NCOA2: variants seen among roughly 807,000 people sequenced by gnomAD.
NCOA2 encodes the protein nuclear receptor coactivator 2.
A neutral mutation model predicts 145.1 loss-of-function variants in NCOA2; 21 were observed. That is an observed-to-expected ratio of 0.14 (90% confidence interval 0.10 to 0.21). The LOEUF (loss-of-function observed/expected upper bound fraction) is 0.21, where lower values mean the gene tolerates loss of function less well. Among genes scored for constraint, NCOA2 ranks in the 10% least tolerant of loss-of-function variants. NCOA2 has a pLI of 1.00. For synonymous variants in NCOA2, 619 were observed against 637.5 expected (o/e 0.97, Z 0.44); for missense variants, 1,472 against 1,837.6 (o/e 0.80, Z 3.64).
intron 1 of NCOA2, among the ~76,000 whole-genome samples, chr8:70,389,141 T>A (rs1471774203): frequency 6.6e-6 from 1 of 152,192 alleles, no homozygotes; most frequent in African/African-American, 2.4e-5. Flanking sequence ...TTGTTTTTAA[T>A]GTCCCTGTTT....
At chr8:70,317,636 A>C (rs980676841) in intron 1 of NCOA2, among the ~76,000 whole-genome samples, 1 of 152,214 alleles carries the variant, frequency 6.6e-6, no homozygotes, top group Non-Finnish European at 1.5e-5. Flanking sequence ...AACAAAGATA[A>C]TTTAGAATTA....
At chr8:70,236,550 T>C (rs551601749) in intron 2 of NCOA2, among the ~76,000 whole-genome samples, 4 of 152,176 alleles carry the variant, frequency 2.6e-5, no homozygotes, top group African/African-American at 7.2e-5. Context: ...CTAGCTCACA[T>C]TGACTCTTCC....
At chr8:70,230,573 T>A (rs1348579681) in intron 2 of NCOA2, among the ~76,000 whole-genome samples, 1 of 152,230 alleles carries the variant, frequency 6.6e-6, no homozygotes, top group African/African-American at 2.4e-5. Flanking sequence ...TTTGCAAGTA[T>A]TTAGAAAACA....
chr8:70,205,869 C>T (rs1216754242), intron 4 of NCOA2, among the ~76,000 whole-genome samples: 1 of 152,156 alleles, frequency 6.6e-6, no homozygotes, highest in African/African-American at 2.4e-5. Flanking sequence ...CAAGGAGGAT[C>T]TTAAGGAGTA....
At chr8:70,286,038 G>C (rs780344629) in intron 2 of NCOA2, among the ~76,000 whole-genome samples, 9 of 152,162 alleles carry the variant, frequency 5.9e-5, no homozygotes, top group South Asian at 4.1e-4. Context: ...GAAATAAAAA[G>C]CATATTATGC....
At chr8:70,377,137 G>A (rs546256797) in intron 1 of NCOA2, among the ~76,000 whole-genome samples, 4 of 150,840 alleles carry the variant, frequency 2.7e-5, no homozygotes, top group African/African-American at 7.3e-5. Context: ...TTATTTGTAG[G>A]ACCTATTAAT....
At chr8:70,126,291 T>G (rs1020530853) in intron 19 of NCOA2, among the ~76,000 whole-genome samples, 16 of 152,216 alleles carry the variant, frequency 1.1e-4, no homozygotes, top group African/African-American at 3.6e-4. Flanking sequence ...CTAAAAGGTC[T>G]CCCACTGTAG....
In NCOA2 at chr8:70,121,356, G is replaced by C; in HGVS notation, c.4329C>G (p.Phe1443Leu). 1.2e-6 allele frequency: 2 copies of C among 1,612,914 alleles called. No individual in the cohort carries two copies. The highest frequency in any genetic ancestry group is 1.7e-6 in the Non-Finnish European group (2 of 1,179,438). Residue 1443 changes from phenylalanine (F) to leucine (L), a missense_variant, in exon 22 of 23, where the codon TTC becomes TTG. Coordinates refer to ENST00000452400, the MANE Select transcript of NCOA2 (RefSeq NM_006540.4). Reference protein sequence around the residue: ...NDPALRGGNLFPNQLPGMDMI... With the variant: ...NDPALRGGNLLPNQLPGMDMI... ...TATCCATTCCAGGCAGCTGGTTTGG[G>C]AACAGGTTGCCTCCCCTCAGAGCAG... is the stretch of plus-strand genomic sequence containing the variant.
intron 2 of NCOA2, among the ~76,000 whole-genome samples, chr8:70,268,396 A>G (rs933489967): frequency 2.0e-5 from 3 of 152,148 alleles, no homozygotes; most frequent in Non-Finnish European, 4.4e-5. Context: ...CAATCTAGCC[A>G]TTTTTACATG....
At chr8:70,448,761 A>T in the NCOA2 span, among the ~76,000 whole-genome samples, 3 of 151,762 alleles carry the variant, frequency 2.0e-5, no homozygotes, top group Non-Finnish European at 4.4e-5. Context: ...TATTGTGGTG[A>T]CAAAATAAGG....
At chr8:70,243,980 AAAG>A (rs1319024228) in intron 2 of NCOA2, among the ~76,000 whole-genome samples, 2 of 152,056 alleles carry the variant, frequency 1.3e-5, no homozygotes, top group African/African-American at 4.8e-5. Flanking sequence ...TTGTAGATAT[AAAG>A]AAGAATCTCC....
At chr8:70,119,316 C>T (rs1807505522) in intron 22 of NCOA2, among the ~76,000 whole-genome samples, 1 of 152,172 alleles carries the variant, frequency 6.6e-6, no homozygotes, top group African/African-American at 2.4e-5. Context: ...AGATATTTGT[C>T]TTTTTGTGCC....
At chr8:70,250,952 AC>A (rs1179787058) in intron 2 of NCOA2, among the ~76,000 whole-genome samples, 2 of 152,358 alleles carry the variant, frequency 1.3e-5, no homozygotes, top group South Asian at 2.1e-4. Flanking sequence ...AGTGAGAAAT[AC>A]ATTTCATAAA....
chr8:70,345,956 G>C (rs1808591888), intron 1 of NCOA2, among the ~76,000 whole-genome samples: 1 of 152,178 alleles, frequency 6.6e-6, no homozygotes, highest in South Asian at 2.1e-4. Context: ...ATGAATGGTT[G>C]TGATTGTTGT....
the NCOA2 span, among the ~76,000 whole-genome samples, chr8:70,418,571 A>G: frequency 9.3e-4 from 142 of 152,340 alleles, 5 homozygotes; most frequent in East Asian, 0.026. Flanking sequence ...TGCCAGCAGC[A>G]GAGACCACAC....
chr8:70,322,653 T>A (rs928769264), intron 1 of NCOA2, among the ~76,000 whole-genome samples: 1 of 152,158 alleles, frequency 6.6e-6, no homozygotes, highest in African/African-American at 2.4e-5. Context: ...CTGGGCAAGT[T>A]AGTTAACCTC....
At chr8:70,435,999 G>T in the NCOA2 span, among the ~76,000 whole-genome samples, 1 of 151,844 alleles carries the variant, frequency 6.6e-6, no homozygotes, top group Admixed American at 6.6e-5. Flanking sequence ...ATCCATGATC[G>T]TTTTTCCTCT....
intron 2 of NCOA2, among the ~76,000 whole-genome samples, chr8:70,246,426 A>C (rs1822626478): frequency 6.6e-6 from 1 of 152,164 alleles, no homozygotes; most frequent in Admixed American, 6.6e-5. Context: ...ACACGAGGAG[A>C]CTAAAAGAAT....
intron 4 of NCOA2, among the ~76,000 whole-genome samples, chr8:70,189,070 T>C (rs1816384678): frequency 6.6e-6 from 1 of 152,208 alleles, no homozygotes; most frequent in Non-Finnish European, 1.5e-5. Flanking sequence ...CTTCCTTTTT[T>C]GCCAACAGCA....
Sources: allele counts gnomAD v4.1 joint callset (sites outside exome capture counted in the v4.1 genomes callset), GRCh38; gene constraint gnomAD v4.1.1; transcripts MANE v1.5; gene names NCBI Gene and HGNC (gene_info 2026-07-23, HGNC 2026-07-21).